The following PDS5B variants were observed in gnomAD, a reference collection of about 807,000 sequenced individuals.
PDS5B encodes sister chromatid cohesion protein PDS5 homolog B.
In PDS5B, 51 loss-of-function variants were observed where a neutral mutation model predicts 184.1. The ratio of observed to expected loss-of-function variants is 0.28; its 90% confidence interval spans 0.22 to 0.35. The LOEUF is 0.35. Ranked by LOEUF, PDS5B falls within the 10% of genes least tolerant of loss-of-function variation. The probability of loss-of-function intolerance (pLI) is 1.00; values close to 1 mark genes in which losing one functional copy is unlikely to be tolerated. For missense variants in PDS5B, 1,180 were observed against 1,723.3 expected, an observed-to-expected ratio of 0.68 and a Z score of 5.58; for synonymous variants, 566 against 569.2, an observed-to-expected ratio of 0.99 and a Z score of 0.08.
chr13:32,764,405 A>G (rs546866032), intron 30 of PDS5B, 84 bp from the exon 31 acceptor site: 3 of 757,468 alleles, frequency 4.0e-6, no homozygotes, highest in South Asian at 4.0e-5. Context: ...TTTTTTCCAT[A>G]AATCTGTAAA....
At chr13:32,588,677 A>G (rs1480724945) in intron 1 of PDS5B, among the ~76,000 whole-genome samples, 2 of 151,920 alleles carry the variant, frequency 1.3e-5, no homozygotes, top group African/African-American at 4.8e-5. Flanking sequence ...CCCTCTCCCC[A>G]TATTAGAGAG....
intron 16 of PDS5B, 48 bp downstream of exon 16, chr13:32,699,917 T>C: frequency 2.0e-6 from 3 of 1,487,666 alleles, no homozygotes; most frequent in Non-Finnish European, 2.7e-6. Flanking sequence ...CAAATCTTCT[T>C]TATTGTTTCT....
Position 32,678,012 on chromosome 13 carries a change from C to CA in PDS5B, c.963-811dup, listed in dbSNP as rs533268829. On this transcript the variant is annotated intron_variant, in intron 9 of 34. Transcript: ENST00000315596. Reference sequence around the variant, plus strand: ...CATCTATGGTATTTTGGTAGTCTGGCAAAAAAAAAAAATTGACCCAAATAT... The same window carrying CA: ...CATCTATGGTATTTTGGTAGTCTGGCAAAAAAAAAAAAATTGACCCAAATAT... 1.2e-3 allele frequency among the ~76,000 whole-genome samples: 173 copies of CA among 140,114 alleles called. 3 individuals are homozygous for CA. The South Asian group carries it at 0.016, about 13-fold the overall frequency. The allele number at this position is 140,114 out of a possible 152,430, so 91.9% of individuals were successfully genotyped here. A position where few individuals can be genotyped will look rare whatever the true frequency, so the allele number is the denominator to read the frequency against.
At chr13:32,672,520 A>C (rs901923529) in intron 7 of PDS5B, among the ~76,000 whole-genome samples, 5 of 152,226 alleles carry the variant, frequency 3.3e-5, no homozygotes, top group African/African-American at 1.2e-4. Context: ...GAGAAGTCCG[A>C]GAGTAGGCTG....
intron 1 of PDS5B, among the ~76,000 whole-genome samples, chr13:32,601,753 A>G (rs567105847): frequency 1.3e-5 from 2 of 152,366 alleles, no homozygotes; most frequent in South Asian, 2.1e-4. Flanking sequence ...ACCCTTTAGG[A>G]TCATTTTACA....
intron 1 of PDS5B, among the ~76,000 whole-genome samples, chr13:32,621,191 C>T (rs562847884): frequency 8.5e-5 from 13 of 152,252 alleles, no homozygotes; most frequent in African/African-American, 2.4e-4. Context: ...TGGCTGGGTG[C>T]GGTGGCTCAC....
chr13:32,747,948 C>T (rs1023685430), intron 24 of PDS5B, among the ~76,000 whole-genome samples: 1 of 152,216 alleles, frequency 6.6e-6, no homozygotes, highest in Admixed American at 6.5e-5. Context: ...TCCACAGTTA[C>T]TGACTTCTAA....
intron 8 of PDS5B, 68 bp downstream of exon 8, chr13:32,673,424 T>A: frequency 7.6e-7 from 1 of 1,323,048 alleles, no homozygotes; most frequent in Non-Finnish European, 1.1e-6. Context: ...TATAGCTTTT[T>A]AATTTTTACA....
chr13:32,648,141 C>A (rs923708760), intron 1 of PDS5B, among the ~76,000 whole-genome samples: 6 of 152,174 alleles, frequency 3.9e-5, no homozygotes, highest in African/African-American at 1.2e-4. Flanking sequence ...GCGGTTCCCT[C>A]TAGGGGGTGG....
At chr13:32,696,708 T>G (rs1489094767) in intron 14 of PDS5B, 146 bp from the exon 15 acceptor site, 1 of 622,116 alleles carries the variant, frequency 1.6e-6, no homozygotes, top group Non-Finnish European at 2.8e-6. Flanking sequence ...TAGAGTTTAA[T>G]AAAAATAGAT....
intron 1 of PDS5B, among the ~76,000 whole-genome samples, chr13:32,622,278 A>G (rs2058313175): frequency 2.0e-5 from 3 of 151,896 alleles, no homozygotes; most frequent in Admixed American, 2.0e-4. Flanking sequence ...AATTCCTACA[A>G]GTTTTATATG....
intron 1 of PDS5B, among the ~76,000 whole-genome samples, chr13:32,594,705 T>C (rs2057831251): frequency 6.6e-6 from 1 of 152,184 alleles, no homozygotes; most frequent in Non-Finnish European, 1.5e-5. Flanking sequence ...TTGTTTTTGT[T>C]TTTGTACCCT....
In PDS5B at chr13:32,692,415, CTT is replaced by C. The variant is rs1566334927; in HGVS notation, c.1470-1782_1470-1781del. ...TTAAACAAGTTTGCGTCCAAAAAGC[CTT>C]TTTTTTTTTTTTTTTTTTTTTTTTT... is the stretch of plus-strand genomic sequence containing the variant. On this transcript the variant is annotated intron_variant, in intron 13 of 34. Coordinates refer to ENST00000315596, the MANE Select transcript of PDS5B (RefSeq NM_015032.4). Among the ~76,000 whole-genome samples, 3 of 53,822 alleles carry C rather than the reference CTT, an allele frequency of 5.6e-5. 1 individual carries two copies. In the South Asian group the frequency reaches 2.9e-3, roughly 52 times the overall value. The allele number at this position is 53,822 out of a possible 152,430, so 35.3% of individuals were successfully genotyped here.
At chr13:32,638,406 A>T (rs1056061312) in intron 1 of PDS5B, among the ~76,000 whole-genome samples, 1 of 152,216 alleles carries the variant, frequency 6.6e-6, no homozygotes, top group Admixed American at 6.5e-5. Context: ...CATTTTGCTG[A>T]TGAGGTGGAG....
chr13:32,617,896 CT>C (rs2058242107), intron 1 of PDS5B, among the ~76,000 whole-genome samples: 1 of 151,990 alleles, frequency 6.6e-6, no homozygotes, highest in South Asian at 2.1e-4. Flanking sequence ...AACAAAATAC[CT>C]AAGGCCAGGT....
intron 1 of PDS5B, among the ~76,000 whole-genome samples, chr13:32,609,902 A>G (rs920122851): frequency 1.5e-5 from 1 of 66,446 alleles, no homozygotes; most frequent in South Asian, 3.5e-4. Flanking sequence ...GAAAAAAAGA[A>G]AAAAAAAAAA....
chr13:32,671,882 C>G (rs976276226), intron 7 of PDS5B, among the ~76,000 whole-genome samples: 1 of 152,142 alleles, frequency 6.6e-6, no homozygotes, highest in Non-Finnish European at 1.5e-5. Flanking sequence ...ACTCAGGAAA[C>G]CATTGAGGAT....
At chr13:32,767,417 AT>A (rs1954618921) in intron 31 of PDS5B, among the ~76,000 whole-genome samples, 1 of 152,146 alleles carries the variant, frequency 6.6e-6, no homozygotes, top group Non-Finnish European at 1.5e-5. Flanking sequence ...ACCAATTGTT[AT>A]TTTTGTAATC....
At chr13:32,679,490 G>A (rs1277501689) in intron 10 of PDS5B, among the ~76,000 whole-genome samples, 1 of 152,084 alleles carries the variant, frequency 6.6e-6, no homozygotes, top group African/African-American at 2.4e-5. Flanking sequence ...ACAAAAATTA[G>A]CTGGGTGTGA....
Sources: gnomAD v4.1 joint callset for allele counts (sites outside exome capture counted in the v4.1 genomes callset) on GRCh38, gnomAD v4.1.1 for gene constraint, MANE v1.5 for transcripts, NCBI Gene and HGNC (gene_info 2026-07-23, HGNC 2026-07-21) for gene names.